Variants in CPEB1 observed in about 807,000 individuals in gnomAD.
The protein encoded by CPEB1 is cytoplasmic polyadenylation element binding protein 1, also known as cytoplasmic polyadenylation element-binding protein 1.
CPEB1 carries 7 observed loss-of-function variants against 65.8 expected under a neutral mutation model. The observed-to-expected ratio is 0.11, with a 90% confidence interval of 0.06 to 0.20. The LOEUF is 0.20. Ranked by LOEUF, CPEB1 falls within the 10% of genes least tolerant of loss-of-function variation. The pLI, the probability that CPEB1 is intolerant of heterozygous loss-of-function variation, is 1.00. For missense variants in CPEB1, 551 were observed against 712.2 expected (o/e 0.77, Z 2.58); for synonymous variants, 262 against 260.0 (o/e 1.01, Z -0.08).
chr15:82,631,069 G>A (rs1356771356), intron 1 of CPEB1, among the ~76,000 whole-genome samples: 2 of 152,176 alleles, frequency 1.3e-5, no homozygotes, highest in African/African-American at 2.4e-5. Context: ...AGAAGGATTA[G>A]TGAGAAAGTA....
At chr15:82,628,191 AAAT>A in intron 2 of CPEB1, 170 bp downstream of exon 2, 1 of 702,030 alleles carries the variant, frequency 1.4e-6, no homozygotes, top group Non-Finnish European at 2.6e-6. Flanking sequence ...ATCATGCCCA[AAAT>A]AATAAATTCC....
intron 3 of CPEB1, among the ~76,000 whole-genome samples, chr15:82,581,534 C>T (rs146720460): frequency 2.6e-5 from 4 of 152,192 alleles, no homozygotes; most frequent in East Asian, 1.9e-4. Context: ...CACTCTTTTC[C>T]CCAGCAGCAG....
At chr15:82,572,657 G>A (rs931575961) in intron 3 of CPEB1, among the ~76,000 whole-genome samples, 21 of 152,180 alleles carry the variant, frequency 1.4e-4, no homozygotes, top group Admixed American at 9.2e-4. Flanking sequence ...GTATCGTTAC[G>A]CCCTATTAGA....
intron 1 of CPEB1, among the ~76,000 whole-genome samples, chr15:82,631,519 CTTT>C (rs1291371531): frequency 6.6e-6 from 1 of 152,092 alleles, no homozygotes; most frequent in Non-Finnish European, 1.5e-5. Context: ...TCTCATAAGG[CTTT>C]TTGTGAATTA....
intron 3 of CPEB1, among the ~76,000 whole-genome samples, chr15:82,601,949 C>T (rs2043156101): frequency 6.6e-6 from 1 of 152,148 alleles, no homozygotes; most frequent in Non-Finnish European, 1.5e-5. Context: ...ATAGAATAAG[C>T]ATATATTCCC....
At chr15:82,571,769 G>T in intron 3 of CPEB1, 1 of 1,308,028 alleles carries the variant, frequency 7.6e-7, no homozygotes, top group Non-Finnish European at 9.7e-7. Context: ...TACAGACTGG[G>T]CCAGCATGTG....
intron 3 of CPEB1, among the ~76,000 whole-genome samples, chr15:82,575,047 T>G (rs1470455694): frequency 6.6e-6 from 1 of 152,210 alleles, no homozygotes; most frequent in Non-Finnish European, 1.5e-5. Context: ...TGTAATTTAT[T>G]GAATACTGTA....
intron 3 of CPEB1, among the ~76,000 whole-genome samples, chr15:82,618,202 C>A (rs2044942479): frequency 6.6e-6 from 1 of 152,058 alleles, no homozygotes; most frequent in African/African-American, 2.4e-5. Context: ...GCATTCCTAC[C>A]AGCAGTTTGA....
At chr15:82,642,791 A>G (rs2047213138) in intron 1 of CPEB1, among the ~76,000 whole-genome samples, 1 of 152,236 alleles carries the variant, frequency 6.6e-6, no homozygotes, top group Non-Finnish European at 1.5e-5. Flanking sequence ...GGATGAGATT[A>G]GCACAACTTC....
intron 3 of CPEB1, among the ~76,000 whole-genome samples, chr15:82,575,665 G>C (rs1306683883): frequency 6.6e-6 from 1 of 151,988 alleles, no homozygotes. Context: ...TTATATAAAT[G>C]GCCAATAAGA....
chr15:82,584,868 G>T, intron 3 of CPEB1, among the ~76,000 whole-genome samples: 1 of 126,128 alleles, frequency 7.9e-6, no homozygotes. Flanking sequence ...TTATTTCTCA[G>T]TAGTAAGATG....
chr15:82,595,186 C>T (rs796947576), intron 3 of CPEB1, among the ~76,000 whole-genome samples: 1 of 152,166 alleles, frequency 6.6e-6, no homozygotes, highest in Non-Finnish European at 1.5e-5. Flanking sequence ...ATGAGGTATG[C>T]CTGTACTACA....
chr15:82,596,590 C>T (rs1208458631), intron 3 of CPEB1, among the ~76,000 whole-genome samples: 2 of 150,056 alleles, frequency 1.3e-5, no homozygotes, highest in South Asian at 2.1e-4. Flanking sequence ...CCCAGCTACT[C>T]GGGAGGCTGA....
chr15:82,602,508 C>T (rs2043199731), intron 3 of CPEB1, among the ~76,000 whole-genome samples: 1 of 151,918 alleles, frequency 6.6e-6, no homozygotes, highest in Admixed American at 6.6e-5. Context: ...ATGATTGTGC[C>T]ACTACCTTAG....
chr15:82,628,323 T>C, intron 2 of CPEB1, 41 bp downstream of exon 2: 1 of 702,500 alleles, frequency 1.4e-6, no homozygotes, highest in East Asian at 2.7e-5. Context: ...AGTGAAGATT[T>C]CCAAGACATG....
intron 3 of CPEB1, chr15:82,571,792 A>C (rs1214116968): frequency 1.6e-6 from 2 of 1,256,684 alleles, no homozygotes; most frequent in Admixed American, 3.8e-5. Context: ...CAGGCTGCTG[A>C]TGCTTCCCGC....
chr15:82,630,091 G>A, intron 1 of CPEB1: 1 of 985,406 alleles, frequency 1.0e-6, no homozygotes, highest in Non-Finnish European at 1.2e-6. Context: ...ACTTCATGAA[G>A]GCTAAGATGC....
chr15:82,581,346 T>TG (rs2041264226), intron 3 of CPEB1, among the ~76,000 whole-genome samples: 1 of 152,232 alleles, frequency 6.6e-6, no homozygotes, highest in Admixed American at 6.5e-5. Context: ...CATCCACTGA[T>TG]GGACACCTGG....
At chr15:82,593,132 C>T (rs145355724) in intron 3 of CPEB1, among the ~76,000 whole-genome samples, 9 of 152,312 alleles carry the variant, frequency 5.9e-5, no homozygotes, top group East Asian at 1.9e-4. Flanking sequence ...GGGTTAACTG[C>T]GGCAATTTCT....
Sources: gnomAD v4.1 joint callset for allele counts (sites outside exome capture counted in the v4.1 genomes callset) on GRCh38, gnomAD v4.1.1 for gene constraint, MANE v1.5 for transcripts, NCBI Gene and HGNC (gene_info 2026-07-23, HGNC 2026-07-21) for gene names.